Variants in PHF24 observed in about 807,000 individuals in gnomAD.
PHF24 encodes the protein PHD finger protein 24, also known as Galpha inhibitory interacting protein.
A neutral mutation model predicts 42.6 loss-of-function variants in PHF24; 25 were observed. The ratio of observed to expected loss-of-function variants is 0.59; its 90% CI spans 0.43 to 0.82. PHF24 has a LOEUF of 0.82. PHF24 is among the 40% of genes least tolerant of loss of function. The pLI, the probability that PHF24 is intolerant of heterozygous loss-of-function variation, is 0.00. For missense variants in PHF24, 470 were observed against 538.1 expected (o/e 0.87, Z 1.25); for synonymous variants, 185 against 204.8 (o/e 0.90, Z 0.83).
the PHF24 span, among the ~76,000 whole-genome samples, chr9:34,831,194 G>T: frequency 6.6e-6 from 1 of 152,200 alleles, no homozygotes; most frequent in Non-Finnish European, 1.5e-5. Flanking sequence ...CAGGAACCAA[G>T]GGCTGGAGCT....
the PHF24 span, among the ~76,000 whole-genome samples, chr9:34,818,267 G>A: frequency 2.6e-5 from 4 of 152,176 alleles, no homozygotes; most frequent in Non-Finnish European, 4.4e-5. Context: ...GATAGTAGGG[G>A]AAAGTGTTCA....
At chr9:34,906,528 C>T in the PHF24 span, among the ~76,000 whole-genome samples, 2 of 151,132 alleles carry the variant, frequency 1.3e-5, no homozygotes, top group Non-Finnish European at 2.9e-5. Context: ...ATGGTGAGGC[C>T]TTAAAAGCTG....
At chr9:34,700,269 G>A in the PHF24 span, among the ~76,000 whole-genome samples, 2 of 152,278 alleles carry the variant, frequency 1.3e-5, no homozygotes, top group African/African-American at 2.4e-5. Flanking sequence ...ACATAAACTC[G>A]CTCTAGCTGT....
the PHF24 span, among the ~76,000 whole-genome samples, chr9:34,819,660 A>T: frequency 6.6e-6 from 1 of 152,204 alleles, no homozygotes; most frequent in Non-Finnish European, 1.5e-5. Flanking sequence ...GTATTTAGAG[A>T]ACATACTCTG....
chr9:34,673,937 G>T, the PHF24 span, among the ~76,000 whole-genome samples: 1 of 151,950 alleles, frequency 6.6e-6, no homozygotes, highest in South Asian at 2.1e-4. Context: ...GCTAATTTTT[G>T]TAGAGACAGA....
At chr9:34,856,103 T>G in the PHF24 span, among the ~76,000 whole-genome samples, 1 of 152,236 alleles carries the variant, frequency 6.6e-6, no homozygotes, top group Non-Finnish European at 1.5e-5. Context: ...GTTCTTGTGT[T>G]GTGTTTTTTA....
At chr9:34,675,088 G>A in the PHF24 span, among the ~76,000 whole-genome samples, 1 of 152,112 alleles carries the variant, frequency 6.6e-6, no homozygotes, top group East Asian at 1.9e-4. Flanking sequence ...AAACTCCCGG[G>A]CTCAAGTGAT....
the PHF24 span, among the ~76,000 whole-genome samples, chr9:34,747,250 A>C: frequency 2.6e-5 from 4 of 152,070 alleles, no homozygotes; most frequent in African/African-American, 9.7e-5. Flanking sequence ...CCCTGTCTCT[A>C]CAAAAAAATT....
chr9:34,846,764 AT>A, the PHF24 span, among the ~76,000 whole-genome samples: 1 of 152,148 alleles, frequency 6.6e-6, no homozygotes, highest in South Asian at 2.1e-4. Flanking sequence ...TCCATCTTGA[AT>A]TAATTTTTGT....
chr9:34,672,472 G>A, the PHF24 span, among the ~76,000 whole-genome samples: 1 of 152,080 alleles, frequency 6.6e-6, no homozygotes, highest in African/African-American at 2.4e-5. Flanking sequence ...CTAAATCTGG[G>A]TAATTTATAA....
chr9:34,800,972 GA>G, the PHF24 span, among the ~76,000 whole-genome samples: 112 of 149,706 alleles, frequency 7.5e-4, 1 homozygote, highest in African/African-American at 2.6e-3. Context: ...AAATTTACAA[GA>G]AAAAAAAACC....
chr9:34,804,407 T>C, the PHF24 span, among the ~76,000 whole-genome samples: 2 of 152,218 alleles, frequency 1.3e-5, no homozygotes, highest in African/African-American at 4.8e-5. Flanking sequence ...AAGGGCAGTG[T>C]TATATAAAGA....
the PHF24 span, among the ~76,000 whole-genome samples, chr9:34,876,664 A>G: frequency 6.6e-6 from 1 of 152,004 alleles, no homozygotes; most frequent in East Asian, 1.9e-4. Flanking sequence ...GACTATTATT[A>G]AAAAAAAGAA....
the PHF24 span, among the ~76,000 whole-genome samples, chr9:34,918,593 G>T: frequency 6.6e-6 from 1 of 152,024 alleles, no homozygotes; most frequent in Non-Finnish European, 1.5e-5. Context: ...TAGAGACAGA[G>T]GAAGAAAAAT....
the PHF24 span, among the ~76,000 whole-genome samples, chr9:34,696,258 G>T: frequency 2.6e-5 from 4 of 152,096 alleles, no homozygotes; most frequent in African/African-American, 9.6e-5. Flanking sequence ...GAGGCTGTGG[G>T]GGGCAGATCA....
the PHF24 span, among the ~76,000 whole-genome samples, chr9:34,782,842 C>T: frequency 2.0e-5 from 3 of 152,104 alleles, no homozygotes; most frequent in Non-Finnish European, 4.4e-5. Context: ...GGGATGGATC[C>T]CTGCTCCAAA....
the PHF24 span, among the ~76,000 whole-genome samples, chr9:34,948,058 G>A: frequency 6.7e-6 from 1 of 150,340 alleles, no homozygotes; most frequent in Admixed American, 6.6e-5. Flanking sequence ...GCAGTGAGCC[G>A]AGATCGCACC....
At chr9:34,699,690 A>G in the PHF24 span, among the ~76,000 whole-genome samples, 1 of 152,210 alleles carries the variant, frequency 6.6e-6, no homozygotes, top group African/African-American at 2.4e-5. Context: ...TGAAATAATG[A>G]AATAATAATA....
At chr9:34,744,674 A>G in the PHF24 span, among the ~76,000 whole-genome samples, 1 of 152,224 alleles carries the variant, frequency 6.6e-6, no homozygotes, top group Non-Finnish European at 1.5e-5. Context: ...AAAGGGGTAG[A>G]GTTACAGCAC....
Sources: allele counts gnomAD v4.1 joint callset (sites outside exome capture counted in the v4.1 genomes callset), GRCh38; gene constraint gnomAD v4.1.1; transcripts MANE v1.5; gene names NCBI Gene and HGNC (gene_info 2026-07-23, HGNC 2026-07-21).